The following PET117 variants were observed in gnomAD, a reference collection of about 807,000 sequenced individuals.
The protein encoded by PET117 is PET117 cytochrome c oxidase chaperone, also known as protein PET117 homolog, mitochondrial.
PET117 carries 10 observed loss-of-function variants against 9.2 expected under a neutral mutation model. That is an observed-to-expected ratio of 1.09 (90% confidence interval 0.67 to 1.85). The LOEUF (loss-of-function observed/expected upper bound fraction) is 1.85, where lower values mean the gene tolerates loss of function less well. PET117 is among the 40% of genes most tolerant of loss of function. The pLI is 0.00. For synonymous variants in PET117, 43 were observed against 37.1 expected, an observed-to-expected ratio of 1.16 and a Z score of -0.57; for missense variants, 96 against 98.2, an observed-to-expected ratio of 0.98 and a Z score of 0.09.
In PET117 at chr20:18,139,016, A is replaced by AATGTTTACTGTTT. The variant is rs542156507; in HGVS notation, c.96+966_96+967insTGTTTACTGTTTA. On this transcript the variant is annotated intron_variant, in intron 1 of 1. Coordinates refer to ENST00000432901, the MANE Select transcript of PET117 (RefSeq NM_001164811.2). ...TAATGGACTGGATGAATCAAGAGTA[A>AATGTTTACTGTTT]ACAGTCTTTTCTTGATTTGCCTACC... is the stretch of plus-strand genomic sequence containing the variant. Among the ~76,000 whole-genome samples, 5 of 152,324 alleles carry AATGTTTACTGTTT rather than the reference A, an allele frequency of 3.3e-5. 1 individual carries two copies. In the South Asian group the frequency reaches 8.3e-4, roughly 25 times the overall value.
rs2037647469 is a variant in PET117, at chr20:18,142,997, A to G, written c.*640A>G. 2 of 1,545,218 alleles carry G rather than the reference A, an allele frequency of 1.3e-6. No individual in the cohort carries two copies. Among genetic ancestry groups the G allele is most frequent in the Non-Finnish European group, 1.7e-6 (2 of 1,143,794 alleles). On this transcript the variant is annotated 3_prime_UTR_variant, in exon 2 of 2. Coordinates refer to ENST00000432901, the MANE Select transcript of PET117 (RefSeq NM_001164811.2). Reference sequence around the variant, plus strand: ...TTTTCCAACCTGTGAAAGAAACGTGAATGTAAAAGAGACCTAAATAAAAGG... The same window carrying G: ...TTTTCCAACCTGTGAAAGAAACGTGGATGTAAAAGAGACCTAAATAAAAGG...
chr20:18,137,929 A>G lies in PET117; in HGVS notation c.-27A>G. 2 of 1,473,402 alleles carry G rather than the reference A, an allele frequency of 1.4e-6. No homozygotes were observed. Among genetic ancestry groups the G allele is most frequent in the Middle Eastern group, 4.5e-4 (2 of 4,408 alleles). 91.3% of individuals were successfully genotyped at this position (1,473,402 alleles called of 1,614,324 possible). ...CCTCTGCGCCTCGGGCGGGCGGGAG[A>G]GAGAGGCCGCGGCCGCCAGCGTGGG... On this transcript the variant is annotated 5_prime_UTR_variant, in exon 1 of 2. Transcript: ENST00000432901.
At position 18,142,994 on chromosome 20, in the gene PET117, G is replaced by A. The variant is rs1001413040; in HGVS notation, c.*637G>A. On this transcript the variant is annotated 3_prime_UTR_variant, in exon 2 of 2. Coordinates refer to ENST00000432901, the MANE Select transcript of PET117 (RefSeq NM_001164811.2). ...TGTTTTTCCAACCTGTGAAAGAAAC[G>A]TGAATGTAAAAGAGACCTAAATAAA... 28 of 1,562,898 alleles carry A rather than the reference G, an allele frequency of 1.8e-5. No individual in the cohort carries two copies. The East Asian group carries it at 1.8e-4, about 10-fold the overall frequency.
chr20:18,142,629 A>G lies in PET117; in HGVS notation c.*272A>G, dbSNP rs1427501140. The G allele has an allele frequency of 3.1e-6, 5 of 1,612,710 alleles. No individual in the cohort carries two copies. Among genetic ancestry groups the G allele is most frequent in the Admixed American group, 3.3e-5 (2 of 59,926 alleles). ...TGTCCAGTGCTTAGGGTTGTTACTGAGAAGCACTGCCGAGCTTGTGAGAAG... is the reference window on the plus strand; with the variant it reads ...TGTCCAGTGCTTAGGGTTGTTACTGGGAAGCACTGCCGAGCTTGTGAGAAG... On this transcript the variant is annotated 3_prime_UTR_variant, in exon 2 of 2. Coordinates refer to ENST00000432901, the MANE Select transcript of PET117 (RefSeq NM_001164811.2).
chr20:18,140,070 A>C (rs1382516486), intron 1 of PET117, among the ~76,000 whole-genome samples: 1 of 152,146 alleles, frequency 6.6e-6, no homozygotes, highest in Non-Finnish European at 1.5e-5. Context: ...GAAGATAGCA[A>C]ATGATGGGAT....
In PET117 at chr20:18,138,081, C is replaced by G; in HGVS notation, c.96+30C>G. 2.1e-6 allele frequency: 3 copies of G among 1,443,672 alleles called. No homozygotes were observed. In the South Asian group the frequency reaches 4.0e-5, roughly 19 times the overall value. The allele number at this position is 1,443,672 out of a possible 1,614,324, so 89.4% of individuals were successfully genotyped here. On this transcript the variant is annotated intron_variant, in intron 1 of 1. Transcript: ENST00000432901. The stretch of plus-strand genomic sequence containing the variant: ...GTGTCACGTGACCGTCTCTTCCGGG[C>G]CCGCGCGCGCGGCGTCGACCTGGGG...
At position 18,142,771 on chromosome 20, in the gene PET117, C is replaced by G. The variant is rs886587092; in HGVS notation, c.*414C>G. On this transcript the variant is annotated 3_prime_UTR_variant, in exon 2 of 2. Coordinates refer to ENST00000432901, the MANE Select transcript of PET117 (RefSeq NM_001164811.2). Reference sequence around the variant, plus strand: ...AAGGTGAAGTGGAGGGAGAGACGCTCCTGATCGTCGAATCCGAGGATCAGG... The same window carrying G: ...AAGGTGAAGTGGAGGGAGAGACGCTGCTGATCGTCGAATCCGAGGATCAGG... The G allele has an allele frequency of 1.2e-6, 2 of 1,614,190 alleles. No individual in the cohort carries two copies. Among genetic ancestry groups the G allele is most frequent in the Non-Finnish European group, 1.7e-6 (2 of 1,180,040 alleles).
chr20:18,143,072 T>C lies in PET117; in HGVS notation c.*715T>C, dbSNP rs2146339330. ...ATCAGCTATAAATTTATATAAAACA[T>C]AGGCATGTTTGTACTAATGAAACGT... On this transcript the variant is annotated 3_prime_UTR_variant, in exon 2 of 2. Transcript: ENST00000432901. 7.0e-7 allele frequency: 1 copy of C among 1,419,946 alleles called. No homozygotes were observed. Among genetic ancestry groups the C allele is most frequent in the Non-Finnish European group, 9.2e-7 (1 of 1,086,926 alleles). The allele number at this position is 1,419,946 out of a possible 1,614,324, so 88.0% of individuals were successfully genotyped here.
intron 1 of PET117, among the ~76,000 whole-genome samples, chr20:18,140,806 G>A (rs1433274485): frequency 8.6e-6 from 1 of 115,726 alleles, no homozygotes; most frequent in Non-Finnish European, 1.7e-5. Flanking sequence ...GTGACAGAAC[G>A]AGACTCCTTC....
intron 1 of PET117, among the ~76,000 whole-genome samples, chr20:18,141,329 A>G (rs2037568659): frequency 6.6e-6 from 1 of 152,118 alleles, no homozygotes; most frequent in Non-Finnish European, 1.5e-5. Context: ...GGTAACTACC[A>G]TTGATGAGCA....
chr20:18,139,451 A>G (rs1286759853), intron 1 of PET117, among the ~76,000 whole-genome samples: 1 of 152,180 alleles, frequency 6.6e-6, no homozygotes, highest in Non-Finnish European at 1.5e-5. Flanking sequence ...GAAAGTTTTT[A>G]CAATGTGACT....
At chr20:18,138,531 A>G in intron 1 of PET117, 1 of 881,108 alleles carries the variant, frequency 1.1e-6, no homozygotes. Context: ...AATGTGTTTT[A>G]CGTGCTATTG....
At chr20:18,141,055 T>TGTA (rs2037554414) in intron 1 of PET117, among the ~76,000 whole-genome samples, 1 of 132,732 alleles carries the variant, frequency 7.5e-6, no homozygotes, top group Admixed American at 7.9e-5. Flanking sequence ...TTATTTTTAT[T>TGTA]TTTGCTAGAG....
At chr20:18,138,404 G>T (rs2037384548) in intron 1 of PET117, 1 of 1,025,666 alleles carries the variant, frequency 9.7e-7, no homozygotes, top group African/African-American at 1.7e-5. Flanking sequence ...CGCAGGGTGC[G>T]GACCTTTCCA....
At chr20:18,140,043 G>C (rs1044336385) in intron 1 of PET117, among the ~76,000 whole-genome samples, 5 of 152,138 alleles carry the variant, frequency 3.3e-5, no homozygotes, top group Admixed American at 1.3e-4. Flanking sequence ...AATCAGCATA[G>C]ACCTTGAAAC....
chr20:18,141,909 T>A (rs1331263097), intron 1 of PET117, among the ~76,000 whole-genome samples: 1 of 152,116 alleles, frequency 6.6e-6, no homozygotes, highest in African/African-American at 2.4e-5. Flanking sequence ...AAAAAAAATT[T>A]AACATAGTGC....
chr20:18,141,038 T>TTTTTTTTTTTTTTTG (rs2037541069), intron 1 of PET117, among the ~76,000 whole-genome samples: 1 of 31,580 alleles, frequency 3.2e-5, no homozygotes, highest in African/African-American at 7.6e-5. Flanking sequence ...TTTTTTTTTT[T>TTTTTTTTTTTTTTTG]TTTTTTTTAT....
chr20:18,142,042 G>A (rs1013773442), intron 1 of PET117, among the ~76,000 whole-genome samples, 166 bp from the exon 2 acceptor site: 3 of 151,766 alleles, frequency 2.0e-5, no homozygotes, highest in Non-Finnish European at 2.9e-5. Context: ...TTATTTGATC[G>A]TTTATTACAT....
In PET117 at chr20:18,143,090, T is replaced by C; in HGVS notation, c.*733T>C. ...TAAAACATAGGCATGTTTGTACTAATGAAACGTACTGTCAACCTCTATCAC... is the reference window on the plus strand; with the variant it reads ...TAAAACATAGGCATGTTTGTACTAACGAAACGTACTGTCAACCTCTATCAC... On this transcript the variant is annotated 3_prime_UTR_variant, in exon 2 of 2. Transcript: ENST00000432901. The C allele has an allele frequency of 7.1e-7, 1 of 1,400,374 alleles. No homozygotes were observed. The highest frequency in any genetic ancestry group is 2.6e-5 in the East Asian group (1 of 38,824). The allele number at this position is 1,400,374 out of a possible 1,614,324, so 86.7% of individuals were successfully genotyped here.
Sources: allele counts gnomAD v4.1 joint callset (sites outside exome capture counted in the v4.1 genomes callset), GRCh38; gene constraint gnomAD v4.1.1; transcripts MANE v1.5; gene names NCBI Gene and HGNC (gene_info 2026-07-23, HGNC 2026-07-21).